The following PSTPIP1 variants were observed in gnomAD, a reference collection of about 807,000 sequenced individuals.
The protein encoded by PSTPIP1 is proline-serine-threonine phosphatase interacting protein 1.
A neutral mutation model predicts 69.6 loss-of-function variants in PSTPIP1; 66 were observed. The ratio of observed to expected loss-of-function variants is 0.95; its 90% CI spans 0.78 to 1.16. The LOEUF is 1.16. Among genes scored for constraint, PSTPIP1 ranks in the 50% most tolerant of loss-of-function variants. The pLI is 0.00. For missense variants in PSTPIP1, 603 were observed against 557.4 expected (o/e 1.08, Z -0.82); for synonymous variants, 266 against 222.7 (o/e 1.19, Z -1.73).
intron 3 of PSTPIP1, among the ~76,000 whole-genome samples, chr15:77,021,673 C>T (rs2076164349): frequency 1.3e-5 from 2 of 152,020 alleles, no homozygotes; most frequent in Admixed American, 1.3e-4. Context: ...AGCGAGACTC[C>T]ATCTTAAAAA....
At position 77,028,830 on chromosome 15, in the gene PSTPIP1, T is replaced by C. The variant is rs181621668; in HGVS notation, c.516+178T>C. Among the ~76,000 whole-genome samples, 505 of 152,338 alleles carry C rather than the reference T, an allele frequency of 3.3e-3. 1 individual carries two copies. The highest frequency in any genetic ancestry group is 6.2e-3 in the Admixed American group (95 of 15,306). ...GTTTCCTGGAGAGAACCTCAGGCCA[T>C]GGACAGGCAGGTCAGCTGGATCCCC... On this transcript the variant is annotated intron_variant, in intron 7 of 14. Coordinates refer to ENST00000558012, the MANE Select transcript of PSTPIP1 (RefSeq NM_003978.5).
chr15:77,019,107 C>T (rs1168246496), intron 3 of PSTPIP1, among the ~76,000 whole-genome samples: 3 of 152,204 alleles, frequency 2.0e-5, no homozygotes, highest in Admixed American at 6.5e-5. Context: ...GAGGGCAGGC[C>T]GTCAGGGAAG....
rs368373680 is a variant in PSTPIP1, at chr15:77,035,920, C to T, written c.1104C>T (p.Tyr368=). 5.6e-5 allele frequency: 90 copies of T among 1,605,838 alleles called. No homozygotes were observed. Among genetic ancestry groups the T allele is most frequent in the Middle Eastern group, 3.9e-4 (2 of 5,148 alleles). The change falls in exon 14 of 15, where the codon TAC becomes TAT. Residue 368 remains tyrosine (Y), a synonymous_variant. Transcript: ENST00000558012. Reference sequence around the variant, plus strand: ...CAGCCCAGGAGTACCGGGCGCTCTACGATTATACAGCGCAGGTGAGGCCTC... The same window carrying T: ...CAGCCCAGGAGTACCGGGCGCTCTATGATTATACAGCGCAGGTGAGGCCTC... ...ASPAQEYRAL[Y]DYTAQNPDEL...
chr15:77,007,954 C>T (rs1373523259), intron 1 of PSTPIP1: 5 of 455,862 alleles, frequency 1.1e-5, no homozygotes, highest in Non-Finnish European at 2.2e-5. Context: ...TTCTTGGTCA[C>T]CTCCTGAACA....
intron 10 of PSTPIP1, 104 bp downstream of exon 10, chr15:77,031,382 T>G: frequency 7.8e-7 from 1 of 1,283,424 alleles, no homozygotes; most frequent in Non-Finnish European, 1.1e-6. Flanking sequence ...TCCTCTGTGA[T>G]CCAAGCCTGG....
chr15:77,007,115 C>T (rs1036879235), intron 1 of PSTPIP1, among the ~76,000 whole-genome samples: 6 of 152,082 alleles, frequency 3.9e-5, no homozygotes, highest in African/African-American at 4.8e-5. Flanking sequence ...CTCCTCCCTG[C>T]GATTGCTCTG....
intron 6 of PSTPIP1, 107 bp from the exon 7 acceptor site, chr15:77,028,447 G>T (rs1256496828): frequency 1.0e-6 from 1 of 985,500 alleles, no homozygotes; most frequent in South Asian, 1.8e-5. Context: ...CACTCCACCC[G>T]CAACCCTCGC....
chr15:77,013,172 G>A (rs1198800290), intron 1 of PSTPIP1, among the ~76,000 whole-genome samples: 1 of 152,200 alleles, frequency 6.6e-6, no homozygotes, highest in Non-Finnish European at 1.5e-5. Context: ...TTCCAAAGCT[G>A]CTGCTACGTC....
intron 12 of PSTPIP1, among the ~76,000 whole-genome samples, chr15:77,035,290 C>T (rs766271155): frequency 2.6e-5 from 4 of 152,138 alleles, no homozygotes; most frequent in Non-Finnish European, 5.9e-5. Context: ...CAGTGGAGGG[C>T]GTAGCTGGGG....
chr15:77,037,092 C>A lies in PSTPIP1; in HGVS notation c.1167C>A (p.Ile389=), dbSNP rs1325283122. The part of the protein sequence containing the change: ...DLSAGDILEV[I]LEGEDGWWTV... Reference sequence around the variant, plus strand: ...CCGCGGGAGACATCCTGGAGGTGATCCTGGAAGGGGAGGATGGCTGGTGGA... The same window carrying A: ...CCGCGGGAGACATCCTGGAGGTGATACTGGAAGGGGAGGATGGCTGGTGGA... Residue 389 remains isoleucine (I), a synonymous_variant, in exon 15 of 15, where the codon ATC becomes ATA. Transcript: ENST00000558012. The A allele has an allele frequency of 6.2e-7, 1 of 1,612,332 alleles. No individual in the cohort carries two copies. Among genetic ancestry groups the A allele is most frequent in the Non-Finnish European group, 8.5e-7 (1 of 1,179,660 alleles).
chr15:77,036,056 TCTC>T (rs748508648), intron 14 of PSTPIP1, 121 bp downstream of exon 14: 187 of 1,327,770 alleles, frequency 1.4e-4, no homozygotes, highest in South Asian at 2.6e-4. Context: ...TCGAGCATCC[TCTC>T]CTCCTCAGGA....
chr15:77,013,161 C>T (rs1479482779), intron 1 of PSTPIP1, among the ~76,000 whole-genome samples: 1 of 152,212 alleles, frequency 6.6e-6, no homozygotes, highest in East Asian at 1.9e-4. Context: ...GTGCAGCTAC[C>T]TTCCAAAGCT....
chr15:77,003,322 G>A (rs1473469736), intron 1 of PSTPIP1, among the ~76,000 whole-genome samples: 2 of 152,134 alleles, frequency 1.3e-5, no homozygotes, highest in Admixed American at 6.5e-5. Flanking sequence ...GCCCACACCA[G>A]GACTCTCCTC....
At chr15:77,016,223 G>A (rs2076049597) in intron 1 of PSTPIP1, among the ~76,000 whole-genome samples, 1 of 152,188 alleles carries the variant, frequency 6.6e-6, no homozygotes. Flanking sequence ...GAGGGAAGCC[G>A]CACAAGGTGG....
At chr15:77,031,756 C>T (rs2076422757) in intron 10 of PSTPIP1, 1 of 178,976 alleles carries the variant, frequency 5.6e-6, no homozygotes, top group Admixed American at 5.6e-5. Flanking sequence ...AGAGGGCCCC[C>T]AGCCAGGGTC....
chr15:77,009,718 C>T (rs960708738), intron 1 of PSTPIP1, among the ~76,000 whole-genome samples: 7 of 152,160 alleles, frequency 4.6e-5, no homozygotes, highest in Non-Finnish European at 8.8e-5. Context: ...GCTCTCATCC[C>T]GATCTCACAG....
chr15:76,997,148 C>A (rs1201188009), intron 1 of PSTPIP1, among the ~76,000 whole-genome samples: 4 of 152,234 alleles, frequency 2.6e-5, no homozygotes, highest in Non-Finnish European at 4.4e-5. Flanking sequence ...AAGCAAGCAG[C>A]CAGCCCCTGT....
chr15:76,994,766 G>A, upstream of PSTPIP1: 1 of 1,289,104 alleles, frequency 7.8e-7, no homozygotes, highest in Non-Finnish European at 1.0e-6. Context: ...GACCTGGTTT[G>A]GGTCCCAGAG....
At chr15:77,006,059 A>C (rs930439583) in intron 1 of PSTPIP1, among the ~76,000 whole-genome samples, 3 of 152,172 alleles carry the variant, frequency 2.0e-5, no homozygotes, top group African/African-American at 7.2e-5. Flanking sequence ...AGTAACCGCC[A>C]AACAGTTTTA....
Sources: gnomAD v4.1 joint callset for allele counts (sites outside exome capture counted in the v4.1 genomes callset) on GRCh38, gnomAD v4.1.1 for gene constraint, MANE v1.5 for transcripts, NCBI Gene and HGNC (gene_info 2026-07-23, HGNC 2026-07-21) for gene names.